KIAA1671: variants seen among roughly 807,000 people sequenced by gnomAD.
KIAA1671 encodes uncharacterized protein KIAA1671.
KIAA1671 carries 52 observed loss-of-function variants against 131.2 expected under a neutral mutation model. The observed-to-expected ratio is 0.40, with a 90% CI of 0.32 to 0.50. The LOEUF is 0.50. KIAA1671 is among the 20% of genes least tolerant of loss of function. KIAA1671 has a pLI of 0.73. For synonymous variants in KIAA1671, 1,003 were observed against 961.6 expected (o/e 1.04, Z -0.80); for missense variants, 2,360 against 2,364.2 (o/e 1.00, Z 0.04).
chr22:25,155,255 G>A (rs1043672411), intron 6 of KIAA1671, among the ~76,000 whole-genome samples: 1 of 152,208 alleles, frequency 6.6e-6, no homozygotes, highest in Non-Finnish European at 1.5e-5. Context: ...GCACTGATAA[G>A]CTATAGTTTA....
intron 6 of KIAA1671, among the ~76,000 whole-genome samples, chr22:25,067,348 C>G (rs987214336): frequency 6.6e-6 from 1 of 152,140 alleles, no homozygotes; most frequent in Non-Finnish European, 1.5e-5. Flanking sequence ...TTCTCCCCGG[C>G]TGTTCCTGGT....
At chr22:25,191,764 A>G (rs898688668) in intron 12 of KIAA1671, among the ~76,000 whole-genome samples, 3 of 152,186 alleles carry the variant, frequency 2.0e-5, no homozygotes, top group Non-Finnish European at 4.4e-5. Context: ...GATGAGCACA[A>G]GAGACTCACC....
At chr22:25,098,502 G>A (rs1208534183) in intron 6 of KIAA1671, among the ~76,000 whole-genome samples, 1 of 152,158 alleles carries the variant, frequency 6.6e-6, no homozygotes, top group Non-Finnish European at 1.5e-5. Flanking sequence ...AATTATTAAA[G>A]TGTAAGCGGA....
chr22:24,996,226 C>T (rs920692279), intron 1 of KIAA1671, among the ~76,000 whole-genome samples: 2 of 150,270 alleles, frequency 1.3e-5, no homozygotes, highest in Non-Finnish European at 3.0e-5. Flanking sequence ...GGAGGGCTCC[C>T]TCTCGGACTC....
intron 5 of KIAA1671, among the ~76,000 whole-genome samples, chr22:25,045,922 T>A (rs762256728): frequency 3.9e-5 from 6 of 152,054 alleles, no homozygotes; most frequent in Non-Finnish European, 8.8e-5. Context: ...TTGCGAAGTA[T>A]TGTATTATGT....
At position 25,028,056 on chromosome 22, in the gene KIAA1671, G is replaced by C. The variant is rs1371353327; in HGVS notation, c.57G>C (p.Leu19=). ...CGCCCTTGACGGCCGTGCCAGGCCTGGGTGAGATGGGCAAGGAGGAGACCC... is the reference window on the plus strand; with the variant it reads ...CGCCCTTGACGGCCGTGCCAGGCCTCGGTGAGATGGGCAAGGAGGAGACCC... ...SITPLTAVPG[L]GEMGKEETLT... Residue 19 remains leucine, a synonymous_variant, in exon 3 of 13, where the codon CTG becomes CTC. Coordinates refer to ENST00000358431, the MANE Select transcript of KIAA1671 (RefSeq NM_001145206.2). 9.7e-6 allele frequency: 15 copies of C among 1,545,832 alleles called. No individual in the cohort carries two copies. The East Asian group carries it at 3.4e-4, about 35-fold the overall frequency.
chr22:25,107,711 A>C (rs922742445), intron 6 of KIAA1671, among the ~76,000 whole-genome samples: 1 of 151,544 alleles, frequency 6.6e-6, no homozygotes, highest in Non-Finnish European at 1.5e-5. Flanking sequence ...GTGTGTGTGC[A>C]TTTCAAAATA....
rs1926043474 is a variant in KIAA1671 at position 25,028,007 on chromosome 22, C to T, written c.8C>T (p.Thr3Met). ...GAATCCACAACCATAACCATGGCCACGCGGGTCGAGGTGGGCTCCATAACG... is the reference window on the plus strand; with the variant it reads ...GAATCCACAACCATAACCATGGCCATGCGGGTCGAGGTGGGCTCCATAACG... MA[T>M]RVEVGSITPL... Residue 3 changes from threonine (T) to methionine (M), a missense_variant, in exon 3 of 13, where the codon ACG becomes ATG. Thr to Met is a moderately conservative substitution (Grantham distance 81). This residue lies in a region of KIAA1671 where 1,185 missense variants were observed against 1,126.2 expected (regional missense o/e 1.05). Transcript: ENST00000358431. 6.7e-7 allele frequency: 1 copy of T among 1,482,698 alleles called. No individual in the cohort carries two copies. The highest frequency in any genetic ancestry group is 9.0e-7 in the Non-Finnish European group (1 of 1,112,632). 91.8% of individuals were successfully genotyped at this position (1,482,698 alleles called of 1,614,324 possible). A position where few individuals can be genotyped will look rare whatever the true frequency, so the allele number is the denominator to read the frequency against.
chr22:24,971,144 C>T (rs1018294971), intron 1 of KIAA1671, among the ~76,000 whole-genome samples: 4 of 152,162 alleles, frequency 2.6e-5, no homozygotes, highest in East Asian at 1.9e-4. Context: ...TTAGTAGAGA[C>T]GGGGTTTCAC....
intron 6 of KIAA1671, among the ~76,000 whole-genome samples, chr22:25,080,584 T>G (rs1308348259): frequency 6.6e-6 from 1 of 152,226 alleles, no homozygotes; most frequent in Non-Finnish European, 1.5e-5. Flanking sequence ...GGCCTGGCTC[T>G]GTCACCCAGG....
At chr22:25,109,199 T>C (rs1456716949) in intron 6 of KIAA1671, among the ~76,000 whole-genome samples, 2 of 151,810 alleles carry the variant, frequency 1.3e-5, no homozygotes, top group Non-Finnish European at 2.9e-5. Context: ...AACCTCTGCC[T>C]CTCGGGTTCA....
intron 4 of KIAA1671, among the ~76,000 whole-genome samples, chr22:25,033,613 C>T (rs1293936838): frequency 8.6e-6 from 1 of 116,748 alleles, no homozygotes; most frequent in African/African-American, 3.3e-5. Context: ...GAGTCTCCCT[C>T]TGTCGCTCAG....
chr22:25,052,330 A>G (rs1230686657), intron 6 of KIAA1671: 3 of 152,392 alleles, frequency 2.0e-5, no homozygotes, highest in East Asian at 1.9e-4. Context: ...GCTGATTTGC[A>G]TAGCCCTGCC....
intron 6 of KIAA1671, among the ~76,000 whole-genome samples, chr22:25,157,556 C>T (rs1233812821): frequency 1.3e-5 from 2 of 152,116 alleles, no homozygotes; most frequent in African/African-American, 2.4e-5. Context: ...TCTCTTTTCC[C>T]TTGACTCATC....
chr22:24,991,106 G>A (rs537412279), intron 1 of KIAA1671, among the ~76,000 whole-genome samples: 4 of 152,078 alleles, frequency 2.6e-5, no homozygotes, highest in Admixed American at 2.0e-4. Context: ...TGCAACCTCC[G>A]CCTTCCGGGT....
At chr22:24,964,076 C>T (rs1267580272) in intron 1 of KIAA1671, among the ~76,000 whole-genome samples, 1 of 152,060 alleles carries the variant, frequency 6.6e-6, no homozygotes, top group Non-Finnish European at 1.5e-5. Context: ...CATCTGTAAT[C>T]CCAGCACTTT....
chr22:25,031,984 A>C (rs1390918697), intron 3 of KIAA1671, among the ~76,000 whole-genome samples: 1 of 152,216 alleles, frequency 6.6e-6, no homozygotes, highest in Non-Finnish European at 1.5e-5. Context: ...TTTACACCAG[A>C]ATGCTCTCCA....
Position 25,040,763 on chromosome 22 carries a change from G to A in KIAA1671, c.3633G>A (p.Leu1211=). ...IDALMAEYQE[L]SLKVPGEAQE... The stretch of plus-strand genomic sequence containing the variant: ...CCCTGATGGCAGAGTACCAGGAGCT[G>A]TCGCTGAAAGTCCCTGGGGAGGCTC... The change falls in exon 5 of 13, where the codon CTG becomes CTA. Residue 1211 remains leucine, a synonymous_variant. Coordinates refer to ENST00000358431, the MANE Select transcript of KIAA1671 (RefSeq NM_001145206.2). The A allele has an allele frequency of 6.4e-7, 1 of 1,551,824 alleles. No homozygotes were observed.
chr22:25,048,888 C>G (rs1448404968), intron 5 of KIAA1671: 9 of 188,766 alleles, frequency 4.8e-5, no homozygotes, highest in Non-Finnish European at 9.9e-5. Flanking sequence ...GCACGTCTGC[C>G]CCCTGGTGGC....
Sources: allele counts gnomAD v4.1 joint callset (sites outside exome capture counted in the v4.1 genomes callset), GRCh38; gene constraint gnomAD v4.1.1; regional missense constraint gnomAD v4.1.1; transcripts MANE v1.5; gene names NCBI Gene and HGNC (gene_info 2026-07-23, HGNC 2026-07-21).